The following TTBK1 variants were observed in gnomAD, a reference collection of about 807,000 sequenced individuals.
TTBK1 encodes tau tubulin kinase 1.
A neutral mutation model predicts 108.5 loss-of-function variants in TTBK1; 34 were observed. The observed-to-expected ratio is 0.31, with a 90% CI of 0.24 to 0.42. TTBK1 has a LOEUF of 0.42. TTBK1 is among the 10% of genes least tolerant of loss of function. TTBK1 has a pLI of 1.00. For synonymous variants in TTBK1, 809 were observed against 795.1 expected (o/e 1.02, Z -0.29); for missense variants, 1,539 against 1,826.0 (o/e 0.84, Z 2.86).
At position 43,276,557 on chromosome 6, in the gene TTBK1, G is replaced by A. The variant is rs1308581841; in HGVS notation, c.1987-6170G>A. On this transcript the variant is annotated intron_variant, in intron 13 of 14. Transcript: ENST00000259750. The surrounding 1 kb of genome is among the most constrained non-coding windows in gnomAD (Gnocchi z 5.4). ...GGGAGGGGGCGCCCCGCCGTCACGC[G>A]TCGCTGTGCGAGGGATTTTGTGCCT... 1.3e-5 allele frequency among the ~76,000 whole-genome samples: 2 copies of A among 152,246 alleles called. No individual in the cohort carries two copies. Among genetic ancestry groups the A allele is most frequent in the Non-Finnish European group, 2.9e-5 (2 of 68,040 alleles).
chr6:43,275,263 G>C (rs1332197996), intron 13 of TTBK1, among the ~76,000 whole-genome samples: 1 of 151,570 alleles, frequency 6.6e-6, no homozygotes, highest in African/African-American at 2.4e-5. Context: ...CCCACACAGC[G>C]CCCCGCGGCG....
rs1334546861 is a variant in TTBK1, at chr6:43,273,842, C to T, written c.1987-8885C>T. ...AAAATGGTTTACAGGCAGAGGTGGC[C>T]TAAACTCATTTTGCAACCACTGTGA... On this transcript the variant is annotated intron_variant, in intron 13 of 14. Transcript: ENST00000259750. The surrounding 1 kb of genome is among the most constrained non-coding windows in gnomAD (Gnocchi z 4.2). Among the ~76,000 whole-genome samples the T allele has an allele frequency of 1.3e-5, 2 of 152,298 alleles. No homozygotes were observed. Among genetic ancestry groups the T allele is most frequent in the East Asian group, 3.9e-4 (2 of 5,188 alleles).
Position 43,287,914 on chromosome 6 carries a change from AGGG to A in TTBK1, c.*2541_*2543del, listed in dbSNP as rs1778423473. ...CCCTCCCCAGCCACACCGTGCACGA[AGGG>A]GGCACAGGAGAGGAGAGGGGCTGTG... On this transcript the variant is annotated 3_prime_UTR_variant, in exon 15 of 15. Coordinates refer to ENST00000259750, the MANE Select transcript of TTBK1 (RefSeq NM_032538.3). This position sits in a 1 kb window ranked among gnomAD's most constrained non-coding sequence, Gnocchi z 4.1. The A allele has an allele frequency of 6.6e-6, 1 of 152,558 alleles. No homozygotes were observed. The highest frequency in any genetic ancestry group is 2.4e-5 in the African/African-American group (1 of 41,434). 9.5% of individuals were successfully genotyped at this position (152,558 alleles called of 1,614,324 possible).
rs202007032 is a variant in TTBK1, at chr6:43,283,608, T to C, written c.2868T>C (p.Ala956=). 149 of 1,613,974 alleles carry C rather than the reference T, an allele frequency of 9.2e-5. No homozygotes were observed. The highest frequency in any genetic ancestry group is 4.7e-5 in the Non-Finnish European group (55 of 1,179,990). The change falls in exon 14 of 15, where the codon GCT becomes GCC. Residue 956 remains alanine (A), a synonymous_variant. Coordinates refer to ENST00000259750, the MANE Select transcript of TTBK1 (RefSeq NM_032538.3). The surrounding 1 kb of genome is among the most constrained non-coding windows in gnomAD (Gnocchi z 8.1). Reference sequence around the variant, plus strand: ...CCTTGCGGTCTGAGGAGTTCAGCGCTGGGGGCGAGCTGGGTCTGGAGCTGG... The same window carrying C: ...CCTTGCGGTCTGAGGAGTTCAGCGCCGGGGGCGAGCTGGGTCTGGAGCTGG... The part of the protein sequence containing the change: ...GQALRSEEFS[A]GGELGLELAS...
intron 13 of TTBK1, chr6:43,270,691 G>A (rs973815696): frequency 4.0e-5 from 39 of 985,428 alleles, no homozygotes; most frequent in Non-Finnish European, 4.7e-5. Context: ...TTGGGTGTCT[G>A]TCCTCGGCTC....
chr6:43,270,103 G>C, intron 13 of TTBK1: 14 of 1,397,194 alleles, frequency 1.0e-5, no homozygotes, highest in Non-Finnish European at 1.3e-5. Context: ...GTTGGCCCAA[G>C]GTACTGTAAT....
rs964928487 is a variant in TTBK1 at position 43,273,290 on chromosome 6, A to G, written c.1987-9437A>G. On this transcript the variant is annotated intron_variant, in intron 13 of 14. Coordinates refer to ENST00000259750, the MANE Select transcript of TTBK1 (RefSeq NM_032538.3). This position sits in a 1 kb window ranked among gnomAD's most constrained non-coding sequence, Gnocchi z 4.2. Reference sequence around the variant, plus strand: ...GTGGGCCCCCTCCTCAGTCTATAGAAAAGAGGGGAGTTGTCAGCAAGCCAT... The same window carrying G: ...GTGGGCCCCCTCCTCAGTCTATAGAGAAGAGGGGAGTTGTCAGCAAGCCAT... Among the ~76,000 whole-genome samples the G allele has an allele frequency of 6.6e-6, 1 of 152,182 alleles. No homozygotes were observed. Among genetic ancestry groups the G allele is most frequent in the African/African-American group, 2.4e-5 (1 of 41,450 alleles).
Position 43,276,050 on chromosome 6 carries a change from G to C in TTBK1, c.1987-6677G>C, listed in dbSNP as rs1777980012. On this transcript the variant is annotated intron_variant, in intron 13 of 14. Coordinates refer to ENST00000259750, the MANE Select transcript of TTBK1 (RefSeq NM_032538.3). This position sits in a 1 kb window ranked among gnomAD's most constrained non-coding sequence, Gnocchi z 5.4. ...GCGTAAGGAGACGCCTTCTAATTGC[G>C]GGGTGGGGGCGGAGTAGGGGAGGGA... is the stretch of plus-strand genomic sequence containing the variant. 6.6e-6 allele frequency among the ~76,000 whole-genome samples: 1 copy of C among 152,130 alleles called. No individual in the cohort carries two copies. The highest frequency in any genetic ancestry group is 1.5e-5 in the Non-Finnish European group (1 of 68,028).
intron 13 of TTBK1, chr6:43,271,151 G>A: frequency 1.0e-6 from 1 of 985,508 alleles, no homozygotes. Flanking sequence ...TGCGGTAGTA[G>A]TGAAGTGGGT....
Position 43,285,182 on chromosome 6 carries a change from GA to G in TTBK1, c.3773del (p.Glu1258GlyfsTer125). Reference protein sequence around the residue: ...SPRSQSLSRRESPSPSHQARP... With the variant: ...SPRSQSLSRRXSPSPSHQARP... The stretch of plus-strand genomic sequence containing the variant: ...CCGGAGCCAGTCCCTGTCCCGCAGA[GA>G]GAGCCCCTCCCCCTCGCACCAGGCC... On this transcript the variant is annotated frameshift_variant, in exon 15 of 15. Transcript: ENST00000259750. LOFTEE classifies it high-confidence loss of function. The surrounding 1 kb of genome is among the most constrained non-coding windows in gnomAD (Gnocchi z 4.7). 7.3e-7 allele frequency: 1 copy of G among 1,376,164 alleles called. No homozygotes were observed. The highest frequency in any genetic ancestry group is 1.7e-5 in the South Asian group (1 of 57,234). 85.2% of individuals were successfully genotyped at this position (1,376,164 alleles called of 1,614,324 possible). A position where few individuals can be genotyped will look rare whatever the true frequency, so the allele number is the denominator to read the frequency against.
At chr6:43,270,017 T>G (rs1777785301) in intron 13 of TTBK1, 1 of 1,426,470 alleles carries the variant, frequency 7.0e-7, no homozygotes, top group African/African-American at 1.5e-5. Flanking sequence ...AGGACCATGG[T>G]TCCTTCCCAG....
intron 12 of TTBK1, among the ~76,000 whole-genome samples, chr6:43,260,619 G>A (rs977089031): frequency 1.3e-5 from 2 of 152,184 alleles, no homozygotes; most frequent in Non-Finnish European, 2.9e-5. Flanking sequence ...CCCTGGAGAC[G>A]GAGAAATGAG....
chr6:43,260,959 G>A (rs1037037152), intron 12 of TTBK1, among the ~76,000 whole-genome samples: 1 of 151,332 alleles, frequency 6.6e-6, no homozygotes, highest in Non-Finnish European at 1.5e-5. Flanking sequence ...ACACACACAC[G>A]CACAAGCACC....
chr6:43,282,640 G>A lies in TTBK1; in HGVS notation c.1987-87G>A. 8.7e-7 allele frequency: 1 copy of A among 1,143,698 alleles called. No homozygotes were observed. Among genetic ancestry groups the A allele is most frequent in the South Asian group, 1.5e-5 (1 of 68,316 alleles). The allele number at this position is 1,143,698 out of a possible 1,614,324, so 70.8% of individuals were successfully genotyped here. On this transcript the variant is annotated intron_variant, in intron 13 of 14. Transcript: ENST00000259750. This position sits in a 1 kb window ranked among gnomAD's most constrained non-coding sequence, Gnocchi z 5.4. The stretch of plus-strand genomic sequence containing the variant: ...TCTGGTAGACGACCTGGGCCTGTGA[G>A]TCTCCTAGGTTGTGGGTGCAGCTGA...
In TTBK1 at chr6:43,285,817, A is replaced by G. The variant is rs1294176015; in HGVS notation, c.*441A>G. ...TCCTGCGGCGCCTTGCCCTCCTCCGACCCCTTTCCAGCCAAAGTCCCCCCA... is the reference window on the plus strand; with the variant it reads ...TCCTGCGGCGCCTTGCCCTCCTCCGGCCCCTTTCCAGCCAAAGTCCCCCCA... On this transcript the variant is annotated 3_prime_UTR_variant, in exon 15 of 15. Transcript: ENST00000259750. This position sits in a 1 kb window ranked among gnomAD's most constrained non-coding sequence, Gnocchi z 4.7. 6.5e-6 allele frequency: 1 copy of G among 153,214 alleles called. No individual in the cohort carries two copies. 9.5% of individuals were successfully genotyped at this position (153,214 alleles called of 1,614,324 possible).
At position 43,246,688 on chromosome 6, in the gene TTBK1, G is replaced by T; in HGVS notation, c.28G>T (p.Asp10Tyr). 1 of 1,611,562 alleles carries T rather than the reference G, an allele frequency of 6.2e-7. No homozygotes were observed. Among genetic ancestry groups the T allele is most frequent in the Non-Finnish European group, 8.5e-7 (1 of 1,178,944 alleles). MQCLAAALK[D>Y]ETNMSGGGEQ... is the part of the protein sequence containing the mutation. ...GCAGTGCCTAGCGGCCGCCCTTAAG[G>T]ACGAAACCAACATGAGTGGGGGAGG... Residue 10 changes from aspartate (D) to tyrosine (Y), a missense_variant, in exon 2 of 15, where the codon GAC (aspartate) becomes TAC (tyrosine). By Grantham distance (160) the Asp-to-Tyr change is radical. Transcript: ENST00000259750.
intron 13 of TTBK1, chr6:43,270,948 G>A: frequency 1.0e-6 from 1 of 985,526 alleles, no homozygotes; most frequent in Non-Finnish European, 1.2e-6. Flanking sequence ...CCCAAGGGCG[G>A]TGGTGAAGAC....
intron 12 of TTBK1, among the ~76,000 whole-genome samples, chr6:43,261,764 A>G (rs549061955): frequency 4.0e-5 from 6 of 151,250 alleles, no homozygotes; most frequent in Admixed American, 6.6e-5. Flanking sequence ...ACAGTGAGCC[A>G]AGATCATGCT....
At chr6:43,268,238 G>T (rs916044801) in intron 13 of TTBK1, among the ~76,000 whole-genome samples, 1 of 152,206 alleles carries the variant, frequency 6.6e-6, no homozygotes, top group East Asian at 1.9e-4. Context: ...ACCCACATGT[G>T]CTGTGAGAGG....
Sources: allele counts gnomAD v4.1 joint callset (sites outside exome capture counted in the v4.1 genomes callset), GRCh38; gene constraint gnomAD v4.1.1; non-coding constraint Gnocchi (gnomAD v3.1); transcripts MANE v1.5; gene names NCBI Gene and HGNC (gene_info 2026-07-23, HGNC 2026-07-21).